The following STOX1 variants were observed in gnomAD, a reference collection of about 807,000 sequenced individuals.
STOX1 encodes the protein storkhead-box protein 1.
In STOX1, 57 loss-of-function variants were observed where a neutral mutation model predicts 74.8. That is an observed-to-expected ratio of 0.76 (90% CI 0.62 to 0.95). STOX1 has a LOEUF of 0.95. STOX1 is among the 40% of genes least tolerant of loss of function. The probability of loss-of-function intolerance (pLI) is 0.00; values close to 1 mark genes in which losing one functional copy is unlikely to be tolerated. For synonymous variants in STOX1, 375 were observed against 401.3 expected, an observed-to-expected ratio of 0.93 and a Z score of 0.78; for missense variants, 1,010 against 1,117.0, an observed-to-expected ratio of 0.90 and a Z score of 1.37.
Position 68,875,684 on chromosome 10 carries a change from G to A in STOX1, c.311-6274G>A, listed in dbSNP as rs535284432. 2.0e-5 allele frequency among the ~76,000 whole-genome samples: 3 copies of A among 152,252 alleles called. No homozygotes were observed. The East Asian group carries it at 5.8e-4, about 29-fold the overall frequency. On this transcript the variant is annotated intron_variant, in intron 1 of 3. Transcript: ENST00000298596. ...CCTCAGAACTTTGATGAGGTCTTGG[G>A]TTGCACTGGAACAATATTGTTGAGC...
chr10:68,857,856 G>A (rs76998723), intron 1 of STOX1, among the ~76,000 whole-genome samples: 7,483 of 152,194 alleles, frequency 0.049, 238 homozygotes, highest in Middle Eastern at 0.1. Flanking sequence ...TTGGTGAAGG[G>A]AGCTTCAGGT....
At chr10:68,852,249 CT>C (rs34908700) in intron 1 of STOX1, among the ~76,000 whole-genome samples, 62 of 118,968 alleles carry the variant, frequency 5.2e-4, no homozygotes, top group East Asian at 1.5e-3. Flanking sequence ...TCTCTTACTG[CT>C]TTTTTTTTTT....
Position 68,884,657 on chromosome 10 carries a change from T to A in STOX1, c.861T>A (p.Ser287=). ...SWVQNGAVSV[S]AEHHICESTK... is the part of the protein sequence containing the mutation. ...TACAGAATGGGGCAGTTTCAGTGTC[T>A]GCGGAGCACCACATTTGTGAGAGCA... The change falls in exon 3 of 4, where the codon TCT becomes TCA. Residue 287 remains serine (S), a synonymous_variant. Coordinates refer to ENST00000298596, the MANE Select transcript of STOX1 (RefSeq NM_152709.5). 1 of 1,614,158 alleles carries A rather than the reference T, an allele frequency of 6.2e-7. No homozygotes were observed. Among genetic ancestry groups the A allele is most frequent in the Non-Finnish European group, 8.5e-7 (1 of 1,180,050 alleles).
intron 2 of STOX1, among the ~76,000 whole-genome samples, chr10:68,883,241 T>A (rs1332628257): frequency 1.4e-5 from 2 of 142,356 alleles, no homozygotes; most frequent in African/African-American, 5.3e-5. Context: ...AAAAAAAAAA[T>A]TAGGCACGGT....
intron 1 of STOX1, among the ~76,000 whole-genome samples, chr10:68,873,638 CTTCTTTTTTTTTCTTTTT>C (rs1204500281): frequency 1.0e-4 from 8 of 79,246 alleles, no homozygotes; most frequent in Non-Finnish European, 2.1e-4. Context: ...TCTTCTTCTT[CTTCTTTTTTTTTCTTTTT>C]TTTTTTTTTC....
chr10:68,843,855 C>T (rs1180916599), intron 1 of STOX1, among the ~76,000 whole-genome samples: 9 of 151,968 alleles, frequency 5.9e-5, no homozygotes, highest in East Asian at 3.9e-4. Context: ...CCACTGTGCC[C>T]GGCCTATTTT....
chr10:68,855,124 A>T (rs1044274418), intron 1 of STOX1, among the ~76,000 whole-genome samples: 2 of 136,476 alleles, frequency 1.5e-5, no homozygotes, highest in Non-Finnish European at 1.6e-5. Flanking sequence ...TTAAAAAAAA[A>T]TTTTTTTTTT....
At chr10:68,839,878 C>A (rs939616607) in intron 1 of STOX1, among the ~76,000 whole-genome samples, 2 of 150,412 alleles carry the variant, frequency 1.3e-5, no homozygotes, top group Non-Finnish European at 3.0e-5. Flanking sequence ...CCGTTTCAAA[C>A]AAAACAAAAC....
chr10:68,883,222 C>A (rs1450296267), intron 2 of STOX1, among the ~76,000 whole-genome samples: 97 of 139,894 alleles, frequency 6.9e-4, no homozygotes, highest in Non-Finnish European at 7.5e-4. Flanking sequence ...CTAAAAACTA[C>A]AAAAAAAAAA....
chr10:68,863,976 G>A (rs1840333890), intron 1 of STOX1, among the ~76,000 whole-genome samples: 1 of 149,836 alleles, frequency 6.7e-6, no homozygotes, highest in East Asian at 1.9e-4. Context: ...CCAGGCTGGA[G>A]TGCAGTGGCG....
At chr10:68,874,269 C>G (rs1425001717) in intron 1 of STOX1, among the ~76,000 whole-genome samples, 1 of 151,958 alleles carries the variant, frequency 6.6e-6, no homozygotes, top group African/African-American at 2.4e-5. Context: ...CCAACAGATT[C>G]ACTGGCACAT....
chr10:68,853,627 C>T (rs988773060), intron 1 of STOX1, among the ~76,000 whole-genome samples: 5 of 151,948 alleles, frequency 3.3e-5, no homozygotes, highest in Non-Finnish European at 5.9e-5. Flanking sequence ...TAAGTCACTT[C>T]AATTAAAGTA....
At chr10:68,857,099 A>T (rs1840145360) in intron 1 of STOX1, among the ~76,000 whole-genome samples, 1 of 152,098 alleles carries the variant, frequency 6.6e-6, no homozygotes, top group Admixed American at 6.5e-5. Flanking sequence ...TTGAATGCAA[A>T]CATGGTGTCT....
chr10:68,853,010 C>T (rs1447965517), intron 1 of STOX1, among the ~76,000 whole-genome samples: 2 of 150,264 alleles, frequency 1.3e-5, no homozygotes, highest in African/African-American at 4.9e-5. Context: ...GCAACCTTCA[C>T]CTCCTGGGTT....
At position 68,827,586 on chromosome 10, in the gene STOX1, A is replaced by G; in HGVS notation, c.-38A>G. On this transcript the variant is annotated 5_prime_UTR_variant, in exon 1 of 4. Coordinates refer to ENST00000298596, the MANE Select transcript of STOX1 (RefSeq NM_152709.5). The stretch of plus-strand genomic sequence containing the variant: ...GGCGTCGTAGCCGCCGCGCTCGCCG[A>G]GGCCCTGCGTTGCGGGCTCCCGGCC... 3 of 1,119,702 alleles carry G rather than the reference A, an allele frequency of 2.7e-6. No individual in the cohort carries two copies. Among genetic ancestry groups the G allele is most frequent in the Non-Finnish European group, 2.2e-6 (2 of 915,314 alleles). 69.4% of individuals were successfully genotyped at this position (1,119,702 alleles called of 1,614,324 possible).
intron 1 of STOX1, among the ~76,000 whole-genome samples, chr10:68,833,559 C>T (rs1054608241): frequency 5.3e-5 from 8 of 151,980 alleles, no homozygotes; most frequent in Non-Finnish European, 5.9e-5. Flanking sequence ...GCAGGGGGTA[C>T]GTGACAGGGG....
Position 68,885,099 on chromosome 10 carries a change from G to C in STOX1, c.1303G>C (p.Ala435Pro), listed in dbSNP as rs775932076. 8.1e-6 allele frequency: 13 copies of C among 1,613,252 alleles called. No individual in the cohort carries two copies. The highest frequency in any genetic ancestry group is 1.7e-4 in the Middle Eastern group (1 of 6,058). ...QGHSRRDRHK[A>P]RNQGSEFQPG... ...CCATTCTCGAAGGGATAGACACAAA[G>C]CCAGGAATCAGGGAAGTGAGTTTCA... The change falls in exon 3 of 4, where the codon GCC becomes CCC. Residue 435 changes from alanine to proline, a missense_variant. Coordinates refer to ENST00000298596, the MANE Select transcript of STOX1 (RefSeq NM_152709.5).
rs1840960833 is a variant in STOX1 at position 68,886,448 on chromosome 10, G to C, written c.2652G>C (p.Trp884Cys). The change falls in exon 3 of 4, where the codon TGG becomes TGC. Residue 884 changes from tryptophan to cysteine, a missense_variant. Trp to Cys is a radical substitution (Grantham distance 215). Transcript: ENST00000298596. ...IGDTGKKPAS[W>C]SQSPQNQEMR... The stretch of plus-strand genomic sequence containing the variant: ...ACACAGGAAAGAAGCCAGCTAGCTG[G>C]AGTCAGAGTCCTCAGAATCAGGAAA... 6.2e-7 allele frequency: 1 copy of C among 1,614,152 alleles called. No homozygotes were observed. Among genetic ancestry groups the C allele is most frequent in the Non-Finnish European group, 8.5e-7 (1 of 1,180,034 alleles).
chr10:68,827,561 G>A lies in STOX1; in HGVS notation c.-63G>A. 9.6e-7 allele frequency: 1 copy of A among 1,042,916 alleles called. No homozygotes were observed. The highest frequency in any genetic ancestry group is 1.7e-5 in the African/African-American group (1 of 58,646). 64.6% of individuals were successfully genotyped at this position (1,042,916 alleles called of 1,614,324 possible). A position where few individuals can be genotyped will look rare whatever the true frequency, so the allele number is the denominator to read the frequency against. On this transcript the variant is annotated 5_prime_UTR_variant, in exon 1 of 4. Coordinates refer to ENST00000298596, the MANE Select transcript of STOX1 (RefSeq NM_152709.5). ...CGGCCGATCCTCCCGCCGAGCGAGC[G>A]GCGTCGTAGCCGCCGCGCTCGCCGA...
Sources: allele counts gnomAD v4.1 joint callset (sites outside exome capture counted in the v4.1 genomes callset), GRCh38; gene constraint gnomAD v4.1.1; transcripts MANE v1.5; gene names NCBI Gene and HGNC (gene_info 2026-07-23, HGNC 2026-07-21).